CSMD1: variants seen among roughly 807,000 people sequenced by gnomAD.
CSMD1 encodes the protein CUB and Sushi multiple domains 1.
A neutral mutation model predicts 417.5 loss-of-function variants in CSMD1; 213 were observed. The ratio of observed to expected loss-of-function variants is 0.51; its 90% confidence interval spans 0.46 to 0.57. The LOEUF is 0.57. CSMD1 is among the 20% of genes least tolerant of loss of function. CSMD1 has a pLI of 0.00. For synonymous variants in CSMD1, 2,862 were observed against 1,736.8 expected (o/e 1.65, Z -16.11); for missense variants, 6,923 against 4,529.7 (o/e 1.53, Z -15.17).
intron 1 of CSMD1, among the ~76,000 whole-genome samples, chr8:4,693,203 A>G (rs1033783266): frequency 6.6e-6 from 1 of 152,228 alleles, no homozygotes; most frequent in Admixed American, 6.5e-5. Context: ...AATGTGAGAC[A>G]CCATGCTCAC....
intron 25 of CSMD1, among the ~76,000 whole-genome samples, chr8:3,298,150 A>C (rs1277727002): frequency 1.3e-5 from 2 of 152,194 alleles, no homozygotes; most frequent in African/African-American, 4.8e-5. Context: ...GAGTGAGGGT[A>C]AGAATAACCA....
At chr8:4,348,486 C>T (rs746653696) in intron 3 of CSMD1, among the ~76,000 whole-genome samples, 3 of 151,620 alleles carry the variant, frequency 2.0e-5, no homozygotes, top group Non-Finnish European at 2.9e-5. Flanking sequence ...TTTCTTTCCA[C>T]AAAAAGGTAG....
At chr8:4,292,874 A>G (rs73500690) in intron 3 of CSMD1, among the ~76,000 whole-genome samples, 1,580 of 152,308 alleles carry the variant, frequency 0.01, 25 homozygotes, top group African/African-American at 0.037. Context: ...GTTAATTTAA[A>G]AGGCTTTTTG....
chr8:4,362,565 TA>T (rs1277766483), intron 3 of CSMD1, among the ~76,000 whole-genome samples: 2 of 152,338 alleles, frequency 1.3e-5, no homozygotes, highest in East Asian at 3.9e-4. Context: ...GTGGATAATA[TA>T]GCCCCGTGAA....
rs575575731 is a variant in CSMD1 at position 4,560,043 on chromosome 8, T to A, written c.302+77299A>T. ...ATGCAGTTGACAGACAGCCTCCACC[T>A]GCCACCCTTGGGGTCCTCGACTGCA... On this transcript the variant is annotated intron_variant, in intron 2 of 69. Transcript: ENST00000635120. 2.0e-4 allele frequency among the ~76,000 whole-genome samples: 31 copies of A among 152,340 alleles called. No homozygotes were observed. The South Asian group carries it at 6.0e-3, about 30-fold the overall frequency.
intron 1 of CSMD1, among the ~76,000 whole-genome samples, chr8:4,689,190 A>C (rs951070686): frequency 6.6e-6 from 1 of 152,228 alleles, no homozygotes; most frequent in Non-Finnish European, 1.5e-5. Flanking sequence ...CAATAGGTTT[A>C]TTCTTTTGTG....
At chr8:4,166,698 G>C (rs554781383) in intron 3 of CSMD1, among the ~76,000 whole-genome samples, 4 of 152,034 alleles carry the variant, frequency 2.6e-5, no homozygotes, top group Non-Finnish European at 5.9e-5. Flanking sequence ...AAGAAAATCA[G>C]CTCTAAAGAA....
At chr8:4,376,742 C>T (rs779095585) in intron 3 of CSMD1, among the ~76,000 whole-genome samples, 1 of 152,204 alleles carries the variant, frequency 6.6e-6, no homozygotes, top group African/African-American at 2.4e-5. Flanking sequence ...CTGCTTTATT[C>T]ACCCAGCTGC....
At chr8:3,557,394 A>G (rs1799204134) in intron 10 of CSMD1, among the ~76,000 whole-genome samples, 1 of 152,168 alleles carries the variant, frequency 6.6e-6, no homozygotes, top group African/African-American at 2.4e-5. Flanking sequence ...ATTCGTGACC[A>G]TTTATGGGTC....
chr8:4,231,263 C>T (rs766044322), intron 3 of CSMD1, among the ~76,000 whole-genome samples: 1 of 152,192 alleles, frequency 6.6e-6, no homozygotes. Context: ...AGGAAGCCAT[C>T]TGTTACCAGA....
chr8:3,625,733 A>G (rs73493634), intron 7 of CSMD1, among the ~76,000 whole-genome samples: 2,882 of 151,882 alleles, frequency 0.019, 91 homozygotes, highest in African/African-American at 0.065. Context: ...TATTCTTACT[A>G]CTCCCTACAG....
At chr8:3,211,203 C>T (rs923109318) in intron 30 of CSMD1, among the ~76,000 whole-genome samples, 31 of 152,188 alleles carry the variant, frequency 2.0e-4, no homozygotes, top group African/African-American at 6.5e-4. Flanking sequence ...CACCACCCCA[C>T]ACAGCTAATT....
At chr8:4,355,563 T>C (rs1801379388) in intron 3 of CSMD1, among the ~76,000 whole-genome samples, 1 of 152,096 alleles carries the variant, frequency 6.6e-6, no homozygotes, top group Non-Finnish European at 1.5e-5. Context: ...AAATAACAAC[T>C]GCAACAAAAC....
At chr8:3,439,402 G>C (rs563630261) in intron 12 of CSMD1, among the ~76,000 whole-genome samples, 1 of 142,960 alleles carries the variant, frequency 7.0e-6, no homozygotes, top group Non-Finnish European at 1.5e-5. Flanking sequence ...ATAGCTAAAG[G>C]TGTTACACAG....
intron 1 of CSMD1, among the ~76,000 whole-genome samples, chr8:4,783,161 C>T (rs1388423978): frequency 6.6e-6 from 1 of 152,150 alleles, no homozygotes; most frequent in African/African-American, 2.4e-5. Context: ...CTCCAACCCA[C>T]CTGAAATTTT....
chr8:3,327,807 G>GT (rs1806631231), intron 23 of CSMD1, among the ~76,000 whole-genome samples: 1 of 152,172 alleles, frequency 6.6e-6, no homozygotes, highest in African/African-American at 2.4e-5. Context: ...TAAATGTTGT[G>GT]TTTTTTCCTT....
intron 2 of CSMD1, among the ~76,000 whole-genome samples, chr8:4,557,358 T>C (rs1197248905): frequency 1.3e-5 from 2 of 151,568 alleles, no homozygotes; most frequent in South Asian, 2.1e-4. Context: ...GATGCCTTGA[T>C]ATGCCAAGAT....
intron 5 of CSMD1, among the ~76,000 whole-genome samples, chr8:3,830,721 T>G (rs79390259): frequency 0.015 from 2,277 of 152,192 alleles, 50 homozygotes; most frequent in African/African-American, 0.051. Context: ...CTGCTGAACT[T>G]TGTGTTTATT....
At chr8:3,241,651 G>T (rs1799532902) in intron 26 of CSMD1, among the ~76,000 whole-genome samples, 2 of 152,148 alleles carry the variant, frequency 1.3e-5, no homozygotes, top group South Asian at 2.1e-4. Context: ...GCATTCCTTG[G>T]CCTGGTGGCC....
Sources: gnomAD v4.1 joint callset for allele counts (sites outside exome capture counted in the v4.1 genomes callset) on GRCh38, gnomAD v4.1.1 for gene constraint, MANE v1.5 for transcripts, NCBI Gene and HGNC (gene_info 2026-07-23, HGNC 2026-07-21) for gene names.